Variants in CPPED1 observed in about 807,000 individuals in gnomAD.
The protein encoded by CPPED1 is serine/threonine-protein phosphatase CPPED1.
Under a neutral mutation model 28.0 loss-of-function variants are expected in CPPED1, and 28 were observed. The ratio of observed to expected loss-of-function variants is 1.00; its 90% CI spans 0.74 to 1.37. CPPED1 has a LOEUF of 1.37. Ranked by LOEUF, CPPED1 falls within the 40% of genes most tolerant of loss-of-function variation. The probability of loss-of-function intolerance (pLI) is 0.00; values close to 1 mark genes in which losing one functional copy is unlikely to be tolerated. For missense variants in CPPED1, 504 were observed against 416.5 expected, an observed-to-expected ratio of 1.21 and a Z score of -1.83; for synonymous variants, 198 against 180.2, an observed-to-expected ratio of 1.10 and a Z score of -0.79.
rs1243513170 is a variant in CPPED1, at chr16:12,660,786, C to G, written c.*4100G>C. On this transcript the variant is annotated 3_prime_UTR_variant, in exon 4 of 4. Transcript: ENST00000381774. The stretch of plus-strand genomic sequence containing the variant: ...TACCTAATATTGTGACTGCACAAAA[C>G]CATTTTAGGTACCACTTGGGAATAA... The G allele has an allele frequency of 1.3e-5, 2 of 152,156 alleles. No homozygotes were observed. The highest frequency in any genetic ancestry group is 4.8e-5 in the African/African-American group (2 of 41,418). The allele number at this position is 152,156 out of a possible 1,614,324, so 9.4% of individuals were successfully genotyped here.
chr16:12,701,559 G>A (rs1005990863), intron 3 of CPPED1, among the ~76,000 whole-genome samples: 1 of 152,098 alleles, frequency 6.6e-6, no homozygotes, highest in Non-Finnish European at 1.5e-5. Context: ...TGTTGAGTGG[G>A]CCTAGGCAGG....
At chr16:12,710,448 AC>A (rs1179332893) in intron 2 of CPPED1, among the ~76,000 whole-genome samples, 1 of 149,900 alleles carries the variant, frequency 6.7e-6, no homozygotes, top group Non-Finnish European at 1.5e-5. Flanking sequence ...ATGTATTGTT[AC>A]AGGCCAAAAA....
chr16:12,740,578 G>A (rs894025130), intron 2 of CPPED1, among the ~76,000 whole-genome samples: 1 of 152,068 alleles, frequency 6.6e-6, no homozygotes, highest in East Asian at 1.9e-4. Flanking sequence ...GACAATAGAA[G>A]GGCCTCACAG....
chr16:12,721,243 C>T (rs566246933), intron 2 of CPPED1, among the ~76,000 whole-genome samples: 1 of 152,208 alleles, frequency 6.6e-6, no homozygotes, highest in South Asian at 2.1e-4. Flanking sequence ...AAACTTAGTA[C>T]TTACCTGCCA....
intron 2 of CPPED1, among the ~76,000 whole-genome samples, chr16:12,715,754 C>T (rs2080103949): frequency 6.6e-6 from 1 of 152,158 alleles, no homozygotes; most frequent in African/African-American, 2.4e-5. Flanking sequence ...TCTCGAACCC[C>T]CGACCTCAGG....
chr16:12,715,733 G>C (rs1006749877), intron 2 of CPPED1, among the ~76,000 whole-genome samples: 1 of 152,110 alleles, frequency 6.6e-6, no homozygotes, highest in African/African-American at 2.4e-5. Flanking sequence ...TCTCCATGTT[G>C]GTCAGGCTGG....
intron 3 of CPPED1, among the ~76,000 whole-genome samples, chr16:12,701,323 C>T (rs192798211): frequency 6.6e-6 from 1 of 151,806 alleles, no homozygotes; most frequent in African/African-American, 2.4e-5. Context: ...TGAGGTCAGT[C>T]AGGAGTTCAA....
intron 2 of CPPED1, chr16:12,780,933 C>T (rs1026038667): frequency 4.0e-6 from 2 of 502,336 alleles, no homozygotes; most frequent in Non-Finnish European, 7.1e-6. Flanking sequence ...GAATCTGTTC[C>T]ATTTTTCATA....
chr16:12,670,605 T>C lies in CPPED1; in HGVS notation c.716-5490A>G, dbSNP rs545611246. ...GTATGTGCTCTTGATATGAATGTGATAGAAATGGCACTTCACCTCTGTGGT... is the reference window on the plus strand; with the variant it reads ...GTATGTGCTCTTGATATGAATGTGACAGAAATGGCACTTCACCTCTGTGGT... On this transcript the variant is annotated intron_variant, in intron 3 of 3. Coordinates refer to ENST00000381774, the MANE Select transcript of CPPED1 (RefSeq NM_018340.3). This position sits in a 1 kb window ranked among gnomAD's most constrained non-coding sequence, Gnocchi z 4.2. Among the ~76,000 whole-genome samples the C allele has an allele frequency of 2.0e-5, 3 of 152,300 alleles. No individual in the cohort carries two copies. The highest frequency in any genetic ancestry group is 7.2e-5 in the African/African-American group (3 of 41,562).
At chr16:12,675,622 T>A (rs1370902534) in intron 3 of CPPED1, among the ~76,000 whole-genome samples, 1 of 152,232 alleles carries the variant, frequency 6.6e-6, no homozygotes, top group Non-Finnish European at 1.5e-5. Context: ...ACACTGGCCT[T>A]CTTTAATGCC....
chr16:12,798,847 T>C (rs1160348035), intron 1 of CPPED1, among the ~76,000 whole-genome samples: 1 of 152,192 alleles, frequency 6.6e-6, no homozygotes, highest in African/African-American at 2.4e-5. Context: ...AATTATCAAT[T>C]TGCCTAATTA....
At chr16:12,771,808 C>G (rs1237471310) in intron 2 of CPPED1, among the ~76,000 whole-genome samples, 1 of 152,210 alleles carries the variant, frequency 6.6e-6, no homozygotes, top group African/African-American at 2.4e-5. Context: ...CAATTCTATA[C>G]ATTCATTACA....
At chr16:12,690,691 A>C (rs1212580024) in intron 3 of CPPED1, among the ~76,000 whole-genome samples, 1 of 151,920 alleles carries the variant, frequency 6.6e-6, no homozygotes, top group East Asian at 1.9e-4. Context: ...AGACACCATC[A>C]AGAGCATCTT....
chr16:12,703,701 A>T (rs2080032476), intron 3 of CPPED1, among the ~76,000 whole-genome samples: 1 of 146,536 alleles, frequency 6.8e-6, no homozygotes, highest in African/African-American at 2.5e-5. Flanking sequence ...AAAAAAAAAA[A>T]AGTAAGCCCT....
At chr16:12,800,485 G>A (rs2080652853) in intron 1 of CPPED1, among the ~76,000 whole-genome samples, 1 of 151,546 alleles carries the variant, frequency 6.6e-6, no homozygotes, top group South Asian at 2.1e-4. Flanking sequence ...GCAGCCTCTG[G>A]ACAAATCCTT....
Position 12,704,836 on chromosome 16 carries a change from T to A in CPPED1, c.503A>T (p.Tyr168Phe), listed in dbSNP as rs61748837. ...GCTGGGGCATTTGGAGGGGTTCTCG[T>A]AGAACTGGGAGTTGAGGACCAGGAA... Reference protein sequence around the residue: ...VLFLVLNSQFYENPSKCPSLK... With the variant: ...VLFLVLNSQFFENPSKCPSLK... The change falls in exon 3 of 4, where the codon TAC (tyrosine) becomes TTC (phenylalanine). Residue 168 changes from tyrosine to phenylalanine, a missense_variant. By Grantham distance (22) the Tyr-to-Phe change is conservative. Transcript: ENST00000381774. 1 of 1,614,148 alleles carries A rather than the reference T, an allele frequency of 6.2e-7. No individual in the cohort carries two copies. The highest frequency in any genetic ancestry group is 8.5e-7 in the Non-Finnish European group (1 of 1,180,014).
At chr16:12,756,048 G>A (rs1451092016) in intron 2 of CPPED1, among the ~76,000 whole-genome samples, 3 of 151,706 alleles carry the variant, frequency 2.0e-5, no homozygotes, top group Admixed American at 6.6e-5. Flanking sequence ...GGAGAATGGC[G>A]TGAACCCAGG....
chr16:12,696,065 T>C (rs2079988413), intron 3 of CPPED1, among the ~76,000 whole-genome samples: 1 of 152,248 alleles, frequency 6.6e-6, no homozygotes, highest in Non-Finnish European at 1.5e-5. Flanking sequence ...TCATCTACCC[T>C]GAAAACTCTC....
intron 2 of CPPED1, among the ~76,000 whole-genome samples, chr16:12,738,894 G>T (rs1485885105): frequency 1.3e-5 from 2 of 152,116 alleles, no homozygotes; most frequent in East Asian, 3.9e-4. Context: ...CTAAACCCTG[G>T]CAGGCTAATG....
Sources: allele counts gnomAD v4.1 joint callset (sites outside exome capture counted in the v4.1 genomes callset), GRCh38; gene constraint gnomAD v4.1.1; non-coding constraint Gnocchi (gnomAD v3.1); transcripts MANE v1.5; gene names NCBI Gene and HGNC (gene_info 2026-07-23, HGNC 2026-07-21).